The following FAAH2 variants were observed in gnomAD, a reference collection of about 807,000 sequenced individuals.
FAAH2 encodes the protein fatty-acid amide hydrolase 2.
A neutral mutation model predicts 36.9 loss-of-function variants in FAAH2; 60 were observed. The ratio of observed to expected loss-of-function variants is 1.63; its 90% CI spans 1.32 to 2.02. The LOEUF (loss-of-function observed/expected upper bound fraction) is 2.02, where lower values mean the gene tolerates loss of function less well. Ranked by LOEUF, FAAH2 falls within the 30% of genes most tolerant of loss-of-function variation. FAAH2 has a pLI of 0.00. For missense variants in FAAH2, 689 were observed against 397.5 expected, an observed-to-expected ratio of 1.73 and a Z score of -6.23; for synonymous variants, 214 against 143.8, an observed-to-expected ratio of 1.49 and a Z score of -3.49.
At chrX:57,470,556 G>A (rs934557049) in intron 10 of FAAH2, among the ~76,000 whole-genome samples, 2 of 110,983 alleles carry the variant, frequency 1.8e-5, no homozygotes, top group African/African-American at 3.3e-5. Flanking sequence ...GGAAGAACAT[G>A]AATCCCTGAA....
intron 8 of FAAH2, among the ~76,000 whole-genome samples, chrX:57,438,773 C>T (rs1247244926): frequency 1.1e-5 from 1 of 89,408 alleles, no homozygotes; most frequent in African/African-American, 3.9e-5. Flanking sequence ...CACAACAGTC[C>T]CCAGAGTGTG....
At chrX:57,173,749 G>A in the FAAH2 span, among the ~76,000 whole-genome samples, 3 of 111,522 alleles carry the variant, frequency 2.7e-5, no homozygotes, top group Non-Finnish European at 5.7e-5. Flanking sequence ...TTCTTATATG[G>A]CTAGTTTGTT....
chrX:57,124,487 G>A, the FAAH2 span, among the ~76,000 whole-genome samples: 1 of 111,647 alleles, frequency 9.0e-6, no homozygotes, highest in East Asian at 2.8e-4. Context: ...GGCAATGCAG[G>A]CTCTTTTTTT....
intron 10 of FAAH2, among the ~76,000 whole-genome samples, chrX:57,471,599 A>C (rs1308156216): frequency 8.9e-6 from 1 of 112,081 alleles, no homozygotes; most frequent in African/African-American, 3.2e-5. Context: ...AAGAGGATGC[A>C]CATAAATGGA....
the FAAH2 span, chrX:57,134,902 C>G: frequency 8.9e-6 from 1 of 111,950 alleles, no homozygotes; most frequent in Non-Finnish European, 1.9e-5. Context: ...TCCTGATTAA[C>G]TTGACTGAGT....
the FAAH2 span, among the ~76,000 whole-genome samples, chrX:57,195,647 T>G: frequency 1.2e-4 from 14 of 112,325 alleles, no homozygotes; most frequent in Non-Finnish European, 2.6e-4. Context: ...TTGCATTTAC[T>G]TTTGGATTCT....
chrX:57,296,302 G>A lies in FAAH2; in HGVS notation c.275+3722G>A, dbSNP rs189082534. 4.1e-3 allele frequency among the ~76,000 whole-genome samples: 463 copies of A among 111,639 alleles called. 3 individuals carry two copies. The highest frequency in any genetic ancestry group is 0.014 in the African/African-American group (443 of 30,715). ...CAGCATTTGTGGTTCACCAATATCT[G>A]CTGTTCTGCAGCCACCACTGCTGAT... On this transcript the variant is annotated intron_variant, in intron 2 of 10. Transcript: ENST00000374900.
At chrX:57,387,766 C>T (rs1156384900) in intron 7 of FAAH2, among the ~76,000 whole-genome samples, 1 of 111,309 alleles carries the variant, frequency 9.0e-6, no homozygotes, top group East Asian at 2.8e-4. Context: ...ACCAACAGGC[C>T]TGCTGTTCTA....
the FAAH2 span, among the ~76,000 whole-genome samples, chrX:57,273,148 G>T: frequency 8.9e-6 from 1 of 111,823 alleles, no homozygotes; most frequent in Non-Finnish European, 1.9e-5. Flanking sequence ...ATCCAACAAA[G>T]ATCAAAAGAG....
At chrX:57,383,323 C>T (rs746558753) in intron 7 of FAAH2, among the ~76,000 whole-genome samples, 11 of 111,762 alleles carry the variant, frequency 9.8e-5, no homozygotes, top group Admixed American at 3.8e-4. Context: ...AAGTTCTGGT[C>T]AGGGAAATCA....
chrX:57,435,013 T>A (rs919177817), intron 8 of FAAH2, among the ~76,000 whole-genome samples: 6 of 111,535 alleles, frequency 5.4e-5, no homozygotes, highest in African/African-American at 2.0e-4. Context: ...AATGTTTATA[T>A]CCAGCATGAT....
At chrX:57,267,841 A>T in the FAAH2 span, among the ~76,000 whole-genome samples, 1 of 112,532 alleles carries the variant, frequency 8.9e-6, no homozygotes, top group Admixed American at 9.4e-5. Context: ...TAAAAGAAAA[A>T]AAATTAAAAT....
At chrX:57,249,528 C>A in the FAAH2 span, among the ~76,000 whole-genome samples, 1 of 112,099 alleles carries the variant, frequency 8.9e-6, no homozygotes, top group South Asian at 3.7e-4. Context: ...TGCACACGTG[C>A]ATGCAGGCAT....
At chrX:57,302,383 G>T (rs907663806) in intron 2 of FAAH2, among the ~76,000 whole-genome samples, 1 of 111,761 alleles carries the variant, frequency 8.9e-6, no homozygotes, top group Admixed American at 9.6e-5. Flanking sequence ...AATGGTTATT[G>T]AATGCTTACT....
Position 57,310,701 on chromosome X carries a change from G to A in FAAH2, c.384G>A (p.Leu128=). 1 of 1,207,925 alleles carries A rather than the reference G, an allele frequency of 8.3e-7. No individual in the cohort carries two copies. The highest frequency in any genetic ancestry group is 1.1e-6 in the Non-Finnish European group (1 of 894,107). The part of the protein sequence containing the change: ...ENKWPFLGVP[L]TVKEAFQLQG... ...AATGGCCCTTCCTTGGGGTTCCTTT[G>A]ACAGTCAAGGAAGCTTTCCAGCTAC... is the stretch of plus-strand genomic sequence containing the variant. Residue 128 remains leucine, a synonymous_variant, in exon 3 of 11, where the codon TTG becomes TTA. Coordinates refer to ENST00000374900, the MANE Select transcript of FAAH2 (RefSeq NM_174912.4).
the FAAH2 span, among the ~76,000 whole-genome samples, chrX:57,123,986 G>A: frequency 9.0e-6 from 1 of 111,641 alleles, no homozygotes; most frequent in East Asian, 2.8e-4. Context: ...TTCTTTTGCT[G>A]TGCAGAAGCT....
chrX:57,350,586 A>T (rs112395600), intron 5 of FAAH2, among the ~76,000 whole-genome samples: 3,061 of 111,079 alleles, frequency 0.028, 95 homozygotes, highest in African/African-American at 0.095. Context: ...GTAAAAAACG[A>T]TCTAACCAAA....
chrX:57,132,083 G>T, the FAAH2 span, among the ~76,000 whole-genome samples: 13 of 112,288 alleles, frequency 1.2e-4, no homozygotes, highest in African/African-American at 4.2e-4. Flanking sequence ...TATACGTAAT[G>T]AATTTTGAAC....
chrX:57,358,421 G>C (rs940627652), intron 5 of FAAH2, among the ~76,000 whole-genome samples: 2 of 111,149 alleles, frequency 1.8e-5, no homozygotes, highest in Non-Finnish European at 3.8e-5. Context: ...GACAAATTTA[G>C]ATAACTCATA....
Sources: allele counts gnomAD v4.1 joint callset (sites outside exome capture counted in the v4.1 genomes callset), GRCh38; gene constraint gnomAD v4.1.1; transcripts MANE v1.5; gene names NCBI Gene and HGNC (gene_info 2026-07-23, HGNC 2026-07-21).